The following RAB27A variants were observed in gnomAD, a reference collection of about 807,000 sequenced individuals.
RAB27A encodes RAB27A, member RAS oncogene family.
RAB27A carries 17 observed loss-of-function variants against 20.8 expected under a neutral mutation model. That is an observed-to-expected ratio of 0.82 (90% CI 0.56 to 1.23). RAB27A has a LOEUF of 1.23. Among genes scored for constraint, RAB27A ranks in the 50% most tolerant of loss-of-function variants. The probability of loss-of-function intolerance (pLI) is 0.00; values close to 1 mark genes in which losing one functional copy is unlikely to be tolerated. For synonymous variants in RAB27A, 85 were observed against 92.8 expected (o/e 0.92, Z 0.48); for missense variants, 277 against 266.7 (o/e 1.04, Z -0.27).
chr15:55,280,006 A>T (rs562726547), intron 1 of RAB27A, among the ~76,000 whole-genome samples: 1 of 152,240 alleles, frequency 6.6e-6, no homozygotes, highest in African/African-American at 2.4e-5. Flanking sequence ...GTAGGTCTGG[A>T]GTGGGGCTGA....
intron 5 of RAB27A, among the ~76,000 whole-genome samples, chr15:55,226,332 C>T (rs977465114): frequency 6.6e-6 from 1 of 152,112 alleles, no homozygotes; most frequent in African/African-American, 2.4e-5. Context: ...AGACTTTTAT[C>T]ACCCTTCTCA....
At chr15:55,255,549 C>A (rs1897048296) in intron 2 of RAB27A, among the ~76,000 whole-genome samples, 1 of 152,210 alleles carries the variant, frequency 6.6e-6, no homozygotes, top group South Asian at 2.1e-4. Flanking sequence ...CCTTTTCCTT[C>A]CGCTGGTTCC....
chr15:55,315,489 A>G (rs905374991), intron 1 of RAB27A, among the ~76,000 whole-genome samples: 2 of 152,190 alleles, frequency 1.3e-5, no homozygotes, highest in African/African-American at 4.8e-5. Flanking sequence ...AATGGGAGAA[A>G]ATTTTCGTAA....
chr15:55,228,827 T>G (rs1488770723), intron 4 of RAB27A, 115 bp from the exon 5 acceptor site: 1 of 752,438 alleles, frequency 1.3e-6, no homozygotes, highest in African/African-American at 1.7e-5. Flanking sequence ...AGCTACATGG[T>G]GATATTTCAA....
chr15:55,231,566 T>G (rs1464546812), intron 3 of RAB27A, among the ~76,000 whole-genome samples: 1 of 152,188 alleles, frequency 6.6e-6, no homozygotes, highest in Non-Finnish European at 1.5e-5. Context: ...GTTTTTTACC[T>G]TGCCCTATTC....
rs192146602 is a variant in RAB27A, at chr15:55,235,058, C to T, written c.-22-102G>A. On this transcript the variant is annotated intron_variant, in intron 2 of 6. Transcript: ENST00000336787. The stretch of plus-strand genomic sequence containing the variant: ...TATTCAGTTTAACACCTAATGTTAA[C>T]CTGTATGTCTACGGGTTGTATGAAA... 3.8e-4 allele frequency: 355 copies of T among 923,702 alleles called. 2 individuals are homozygous for T. In the African/African-American group the frequency reaches 5.4e-3, roughly 14 times the overall value. 57.2% of individuals were successfully genotyped at this position (923,702 alleles called of 1,614,324 possible).
intron 2 of RAB27A, among the ~76,000 whole-genome samples, chr15:55,305,076 C>G (rs1158909741): frequency 1.3e-5 from 2 of 152,234 alleles, no homozygotes; most frequent in Non-Finnish European, 2.9e-5. Context: ...TTAGTGAGAT[C>G]TCTTTACTAC....
chr15:55,305,703 T>G (rs754687007), intron 2 of RAB27A, among the ~76,000 whole-genome samples: 1 of 152,092 alleles, frequency 6.6e-6, no homozygotes, highest in Non-Finnish European at 1.5e-5. Context: ...ATAAACAGAT[T>G]CCCCCTCTTT....
chr15:55,205,665 T>C lies in RAB27A; in HGVS notation c.508A>G (p.Ile170Val), dbSNP rs1377085164. Reference protein sequence around the residue: ...FETSAANGTNISQAIEMLLDL... With the variant: ...FETSAANGTNVSQAIEMLLDL... ...AGAAGCATCTCAATTGCTTGGCTTA[T>C]GTTTGTCCCATTGGCAGCACTAGTT... The change falls in exon 7 of 7, where the codon ATA becomes GTA. Residue 170 changes from isoleucine (I) to valine (V), a missense_variant. Coordinates refer to ENST00000336787, the MANE Select transcript of RAB27A (RefSeq NM_183235.3). 3.1e-6 allele frequency: 5 copies of C among 1,614,180 alleles called. No individual in the cohort carries two copies. Among genetic ancestry groups the C allele is most frequent in the Admixed American group, 3.3e-5 (2 of 60,024 alleles).
intron 2 of RAB27A, among the ~76,000 whole-genome samples, chr15:55,308,302 G>A (rs2055006749): frequency 6.6e-6 from 1 of 152,178 alleles, no homozygotes; most frequent in Non-Finnish European, 1.5e-5. Flanking sequence ...TGTTCCCTCA[G>A]AAATTAGGAA....
In RAB27A at chr15:55,228,807, A is replaced by T. The variant is rs1895919651; in HGVS notation, c.240-95T>A. The T allele has an allele frequency of 1.1e-5, 9 of 840,058 alleles. No individual in the cohort carries two copies. In the South Asian group the frequency reaches 1.2e-4, roughly 11 times the overall value. 52.0% of individuals were successfully genotyped at this position (840,058 alleles called of 1,614,324 possible). ...TGCCTTCAGCCTCTTACAAAAGTTT[A>T]CCAATAACAAGCTACATGGTGATAT... is the stretch of plus-strand genomic sequence containing the variant. On this transcript the variant is annotated intron_variant, in intron 4 of 6. Coordinates refer to ENST00000336787, the MANE Select transcript of RAB27A (RefSeq NM_183235.3).
At position 55,209,812 on chromosome 15, in the gene RAB27A, ACATGTGTG is replaced by A. The variant is rs1566895900; in HGVS notation, c.468-4115_468-4108del. ...TGTGTGTATGTATACATATATACACACATGTGTGTATATATACATATATGTGTGTACAC... is the reference window on the plus strand; with the variant it reads ...TGTGTGTATGTATACATATATACACATATATATACATATATGTGTGTACAC... On this transcript the variant is annotated intron_variant, in intron 6 of 6. Transcript: ENST00000336787. Among the ~76,000 whole-genome samples the A allele has an allele frequency of 8.5e-4, 118 of 138,376 alleles. 34 individuals carry two copies. The highest frequency in any genetic ancestry group is 3.3e-3 in the African/African-American group (106 of 32,410). The allele number at this position is 138,376 out of a possible 152,430, so 90.8% of individuals were successfully genotyped here. A position where few individuals can be genotyped will look rare whatever the true frequency, so the allele number is the denominator to read the frequency against.
At chr15:55,289,875 A>G (rs974583438), upstream of RAB27A, 5 of 150,474 alleles carry the variant, frequency 3.3e-5, no homozygotes, top group Non-Finnish European at 7.4e-5. Context: ...TCTCTCCTCC[A>G]CCTCCCGCCT....
At chr15:55,283,753 A>G (rs1898078373) in intron 1 of RAB27A, among the ~76,000 whole-genome samples, 1 of 152,224 alleles carries the variant, frequency 6.6e-6, no homozygotes, top group Admixed American at 6.5e-5. Context: ...AGTTTTGTAA[A>G]TGAACATTTA....
At chr15:55,231,851 C>A (rs1226417981) in intron 3 of RAB27A, among the ~76,000 whole-genome samples, 3 of 151,968 alleles carry the variant, frequency 2.0e-5, no homozygotes, top group Admixed American at 6.6e-5. Flanking sequence ...AATTATTTAA[C>A]ATCACAGCTA....
chr15:55,246,612 G>GA (rs570539603), intron 2 of RAB27A, among the ~76,000 whole-genome samples: 38 of 137,898 alleles, frequency 2.8e-4, no homozygotes, highest in African/African-American at 3.2e-4. Flanking sequence ...TAGGGTAATA[G>GA]AAAAAAAAAA....
At chr15:55,287,293 G>A (rs999154776) in intron 1 of RAB27A, among the ~76,000 whole-genome samples, 4 of 152,176 alleles carry the variant, frequency 2.6e-5, no homozygotes, top group Non-Finnish European at 5.9e-5. Flanking sequence ...TGAGCATCTG[G>A]AAGAGTGAAG....
intron 2 of RAB27A, among the ~76,000 whole-genome samples, chr15:55,246,276 CA>C (rs1248756811): frequency 1.7e-4 from 26 of 152,060 alleles, no homozygotes; most frequent in African/African-American, 5.8e-4. Flanking sequence ...GAAATGTTAC[CA>C]TCACCTCAGT....
At chr15:55,263,288 A>T (rs1649469301) in intron 2 of RAB27A, among the ~76,000 whole-genome samples, 1 of 152,146 alleles carries the variant, frequency 6.6e-6, no homozygotes, top group African/African-American at 2.4e-5. Flanking sequence ...TGAAATACCT[A>T]ATAGGTGCCA....
Sources: gnomAD v4.1 joint callset for allele counts (sites outside exome capture counted in the v4.1 genomes callset) on GRCh38, gnomAD v4.1.1 for gene constraint, MANE v1.5 for transcripts, NCBI Gene and HGNC (gene_info 2026-07-23, HGNC 2026-07-21) for gene names.